The following AGFG2 variants were observed in gnomAD, a reference collection of about 807,000 sequenced individuals.
AGFG2 encodes arf-GAP domain and FG repeat-containing protein 2.
AGFG2 carries 31 observed loss-of-function variants against 48.0 expected under a neutral mutation model. That is an observed-to-expected ratio of 0.65 (90% confidence interval 0.49 to 0.87). AGFG2 has a LOEUF of 0.87. Ranked by LOEUF, AGFG2 falls within the 40% of genes least tolerant of loss-of-function variation. The probability of loss-of-function intolerance (pLI) is 0.00; values close to 1 mark genes in which losing one functional copy is unlikely to be tolerated. For synonymous variants in AGFG2, 229 were observed against 260.8 expected (o/e 0.88, Z 1.18); for missense variants, 599 against 632.6 (o/e 0.95, Z 0.57).
rs544020759 is a variant in AGFG2 at position 100,558,455 on chromosome 7, TATA to T, written c.877+2722_877+2724del. Among the ~76,000 whole-genome samples, 20 of 152,240 alleles carry T rather than the reference TATA, an allele frequency of 1.3e-4. No individual in the cohort carries two copies. In the South Asian group the frequency reaches 3.9e-3, roughly 30 times the overall value. On this transcript the variant is annotated intron_variant, in intron 6 of 11. Coordinates refer to ENST00000300176, the MANE Select transcript of AGFG2 (RefSeq NM_006076.5). Reference sequence around the variant, plus strand: ...TGGGAGCACTCGAGGAAACAGCCTATATAAAGTTGTTATAGATGCGTCCCTTCT... The same window carrying T: ...TGGGAGCACTCGAGGAAACAGCCTATAAGTTGTTATAGATGCGTCCCTTCT...
rs1387753154 is a variant in AGFG2 at position 100,563,903 on chromosome 7, C to T, written c.1241C>T (p.Ala414Val). ...PQAVPPTGAF[A>V]SSFPAPLFPP... ...GCAGTGCCACCCACTGGGGCCTTTG[C>T]CAGCTCCTTCCCAGCACCGCTGTTC... Residue 414 changes from alanine (A) to valine (V), a missense_variant, in exon 10 of 12, where the codon GCC becomes GTC. Physicochemically the swap from Ala to Val is moderately conservative, Grantham distance 64 (BLOSUM62 0). Transcript: ENST00000300176. 6 of 1,609,904 alleles carry T rather than the reference C, an allele frequency of 3.7e-6. No individual in the cohort carries two copies. The highest frequency in any genetic ancestry group is 4.2e-6 in the Non-Finnish European group (5 of 1,180,010).
chr7:100,539,435 G>A lies in AGFG2; in HGVS notation c.89G>A (p.Cys30Tyr). 1 of 1,327,184 alleles carries A rather than the reference G, an allele frequency of 7.5e-7. No individual in the cohort carries two copies. The highest frequency in any genetic ancestry group is 9.7e-7 in the Non-Finnish European group (1 of 1,035,540). The allele number at this position is 1,327,184 out of a possible 1,614,324, so 82.2% of individuals were successfully genotyped here. ...GCGGAGGCGGCCTCGGAGGTGTGGT[G>A]CCGTCGGGTGCGGGAGCTGGGTGGC... Reference protein sequence around the residue: ...AEAEAASEVWCRRVRELGGCS... With the variant: ...AEAEAASEVWYRRVRELGGCS... The change falls in exon 1 of 12, where the codon TGC becomes TAC. Residue 30 changes from cysteine to tyrosine, a missense_variant. Transcript: ENST00000300176.
intron 4 of AGFG2, 93 bp from the exon 5 acceptor site, chr7:100,554,000 T>C: frequency 1.4e-6 from 2 of 1,455,130 alleles, no homozygotes; most frequent in Non-Finnish European, 1.9e-6. Flanking sequence ...CTTCTCTCTC[T>C]ACCTGCCTAT....
At chr7:100,540,248 A>G (rs1392809250) in intron 1 of AGFG2, among the ~76,000 whole-genome samples, 1 of 152,230 alleles carries the variant, frequency 6.6e-6, no homozygotes, top group African/African-American at 2.4e-5. Flanking sequence ...CCCAGAAGGT[A>G]AAACTCTTAC....
In AGFG2 at chr7:100,562,733, G is replaced by C. The variant is rs976560838; in HGVS notation, c.1087+51G>C. The C allele has an allele frequency of 6.3e-7, 1 of 1,593,504 alleles. No homozygotes were observed. Among genetic ancestry groups the C allele is most frequent in the Non-Finnish European group, 8.5e-7 (1 of 1,170,444 alleles). On this transcript the variant is annotated intron_variant, in intron 8 of 11. Coordinates refer to ENST00000300176, the MANE Select transcript of AGFG2 (RefSeq NM_006076.5). This position sits in a 1 kb window ranked among gnomAD's most constrained non-coding sequence, Gnocchi z 5.4. Reference sequence around the variant, plus strand: ...GGGAGGGGACCTGAGGCCAGGAGGAGTCTAAGGACTCTGGACAGGGTGGGA... The same window carrying C: ...GGGAGGGGACCTGAGGCCAGGAGGACTCTAAGGACTCTGGACAGGGTGGGA...
chr7:100,564,143 T>G lies in AGFG2; in HGVS notation c.1301-75T>G, dbSNP rs1584393246. 8.4e-6 allele frequency: 13 copies of G among 1,551,908 alleles called. No homozygotes were observed. The East Asian group carries it at 2.1e-4, about 25-fold the overall frequency. On this transcript the variant is annotated intron_variant, in intron 10 of 11. Coordinates refer to ENST00000300176, the MANE Select transcript of AGFG2 (RefSeq NM_006076.5). ...GCTCTGTTCCCTTACTCCCCCAGTT[T>G]AGGAGGGCCCCCCTTGCTGTCCGCC...
At chr7:100,557,503 C>G (rs1800782489) in intron 6 of AGFG2, among the ~76,000 whole-genome samples, 1 of 152,076 alleles carries the variant, frequency 6.6e-6, no homozygotes, top group South Asian at 2.1e-4. Flanking sequence ...ACTCTGCTGC[C>G]CAGGCTGGAG....
chr7:100,555,998 T>G (rs1215403707), intron 6 of AGFG2: 1 of 359,144 alleles, frequency 2.8e-6, no homozygotes, highest in Non-Finnish European at 5.1e-6. Flanking sequence ...AACTTTTCAC[T>G]AGGAAGTATG....
chr7:100,546,991 A>C (rs1283187253), intron 1 of AGFG2, among the ~76,000 whole-genome samples: 1 of 152,136 alleles, frequency 6.6e-6, no homozygotes, highest in Non-Finnish European at 1.5e-5. Flanking sequence ...CTTTTATAAG[A>C]GCATTTTTGA....
Position 100,553,497 on chromosome 7 carries a change from C to T in AGFG2, c.582C>T (p.Ser194=). Residue 194 remains serine (S), a synonymous_variant, in exon 4 of 12, where the codon AGC becomes AGT. Transcript: ENST00000300176. ...TCTCAGTTGCTGCCTCCACCTCGAG[C>T]CAGGTAACTCTCAGATCTGCTCGTC... ...PSLSVAASTS[S]QPVSQSHART... 1 of 1,594,996 alleles carries T rather than the reference C, an allele frequency of 6.3e-7. No homozygotes were observed. The highest frequency in any genetic ancestry group is 8.6e-7 in the Non-Finnish European group (1 of 1,166,960).
Position 100,539,327 on chromosome 7 carries a change from C to T in AGFG2, c.-20C>T. ...GGTTGAAGGGGTGATTGCTGACTAG[C>T]GGGGAGGGAGTGGGCAGCGATGGTG... On this transcript the variant is annotated 5_prime_UTR_variant, in exon 1 of 12. Transcript: ENST00000300176. 1 of 1,273,678 alleles carries T rather than the reference C, an allele frequency of 7.9e-7. No homozygotes were observed. The highest frequency in any genetic ancestry group is 9.9e-7 in the Non-Finnish European group (1 of 1,006,236). 78.9% of individuals were successfully genotyped at this position (1,273,678 alleles called of 1,614,324 possible). A position where few individuals can be genotyped will look rare whatever the true frequency, so the allele number is the denominator to read the frequency against.
In AGFG2 at chr7:100,539,334, G is replaced by C; in HGVS notation, c.-13G>C. On this transcript the variant is annotated 5_prime_UTR_variant, in exon 1 of 12. Coordinates refer to ENST00000300176, the MANE Select transcript of AGFG2 (RefSeq NM_006076.5). ...GGGGTGATTGCTGACTAGCGGGGAG[G>C]GAGTGGGCAGCGATGGTGATGGCGG... is the stretch of plus-strand genomic sequence containing the variant. 1 of 1,272,710 alleles carries C rather than the reference G, an allele frequency of 7.9e-7. No individual in the cohort carries two copies. The highest frequency in any genetic ancestry group is 9.9e-7 in the Non-Finnish European group (1 of 1,005,388). 78.8% of individuals were successfully genotyped at this position (1,272,710 alleles called of 1,614,324 possible).
chr7:100,557,739 G>A lies in AGFG2; in HGVS notation c.877+2004G>A, dbSNP rs572002375. On this transcript the variant is annotated intron_variant, in intron 6 of 11. Transcript: ENST00000300176. ...CATGGGCCACTATGCCTGGCCATAG[G>A]TCACATTCTGTATGATAAAAGATGA... 1.6e-3 allele frequency among the ~76,000 whole-genome samples: 236 copies of A among 152,216 alleles called. 1 individual carries two copies. Among genetic ancestry groups the A allele is most frequent in the African/African-American group, 5.4e-3 (224 of 41,540 alleles).
intron 1 of AGFG2, among the ~76,000 whole-genome samples, chr7:100,541,010 CAAAA>C (rs11353093): frequency 7.9e-5 from 6 of 75,506 alleles, no homozygotes; most frequent in African/African-American, 1.0e-4. Flanking sequence ...GACACTGTCT[CAAAA>C]AAAAAAAAAA....
Position 100,562,473 on chromosome 7 carries a change from T to C in AGFG2, c.998+94T>C. The C allele has an allele frequency of 6.3e-7, 1 of 1,598,648 alleles. No individual in the cohort carries two copies. The highest frequency in any genetic ancestry group is 2.2e-5 in the East Asian group (1 of 44,524). On this transcript the variant is annotated intron_variant, in intron 7 of 11. Coordinates refer to ENST00000300176, the MANE Select transcript of AGFG2 (RefSeq NM_006076.5). The surrounding 1 kb of genome is among the most constrained non-coding windows in gnomAD (Gnocchi z 5.4). Reference sequence around the variant, plus strand: ...CAGCCCCATCGGCATCTCCTGGCAGTTCTCCCCTCCCCTCCTCTCCCTTAC... The same window carrying C: ...CAGCCCCATCGGCATCTCCTGGCAGCTCTCCCCTCCCCTCCTCTCCCTTAC...
intron 6 of AGFG2, among the ~76,000 whole-genome samples, chr7:100,561,693 C>T (rs1209015340): frequency 2.6e-5 from 4 of 152,236 alleles, no homozygotes; most frequent in African/African-American, 9.6e-5. Context: ...AGGAGAACCC[C>T]GCAGCGGGGC....
chr7:100,551,067 T>TATATATATATATATATA (rs1562791931), intron 3 of AGFG2, among the ~76,000 whole-genome samples: 20 of 96,740 alleles, frequency 2.1e-4, no homozygotes, highest in South Asian at 6.3e-4. Flanking sequence ...TATATATATA[T>TATATATATATATATATA]TTCTTTTTTT....
chr7:100,555,538 G>T (rs1434158033), intron 5 of AGFG2, 72 bp from the exon 6 acceptor site: 32 of 1,545,624 alleles, frequency 2.1e-5, no homozygotes, highest in Non-Finnish European at 2.8e-5. Context: ...CTCCCAAAGT[G>T]CTGGAATTAC....
At chr7:100,540,652 CA>C (rs1261027304) in intron 1 of AGFG2, among the ~76,000 whole-genome samples, 2 of 152,126 alleles carry the variant, frequency 1.3e-5, no homozygotes, top group African/African-American at 4.8e-5. Context: ...ATAAGTTTGT[CA>C]AGGGATTTAT....
Sources: allele counts gnomAD v4.1 joint callset (sites outside exome capture counted in the v4.1 genomes callset), GRCh38; gene constraint gnomAD v4.1.1; non-coding constraint Gnocchi (gnomAD v3.1); transcripts MANE v1.5; gene names NCBI Gene and HGNC (gene_info 2026-07-23, HGNC 2026-07-21).